Variants in SEMA4F observed in about 807,000 individuals in gnomAD.
SEMA4F encodes ssemaphorin 4F, also known as semaphorin-4F.
Under a neutral mutation model 78.4 loss-of-function variants are expected in SEMA4F, and 51 were observed. The ratio of observed to expected loss-of-function variants is 0.65; its 90% CI spans 0.52 to 0.82. SEMA4F has a LOEUF of 0.82. Ranked by LOEUF, SEMA4F falls within the 40% of genes least tolerant of loss-of-function variation. SEMA4F has a pLI of 0.00. For missense variants in SEMA4F, 938 were observed against 1,014.4 expected (o/e 0.92, Z 1.02); for synonymous variants, 418 against 408.7 (o/e 1.02, Z -0.27).
In SEMA4F at chr2:74,673,680, C is replaced by T. The variant is rs758683262; in HGVS notation, c.674C>T (p.Pro225Leu). ...TDTLPSWLNA[P>L]AFVAAVALSP... ...CTGAGGCCACTGGTATTCCCAGCCCCAGCCTTTGTCGCAGCCGTGGCCTTG... is the reference window on the plus strand; with the variant it reads ...CTGAGGCCACTGGTATTCCCAGCCCTAGCCTTTGTCGCAGCCGTGGCCTTG... The change falls in exon 7 of 14, where the codon CCA (proline) becomes CTA (leucine). Residue 225 changes from proline (P) to leucine (L), a missense_variant. Transcript: ENST00000357877. 2 of 1,613,818 alleles carry T rather than the reference C, an allele frequency of 1.2e-6. No individual in the cohort carries two copies. The highest frequency in any genetic ancestry group is 8.5e-7 in the Non-Finnish European group (1 of 1,179,792).
chr2:74,687,123 T>G (rs1685840479), downstream of SEMA4F, among the ~76,000 whole-genome samples: 1 of 152,232 alleles, frequency 6.6e-6, no homozygotes, highest in Non-Finnish European at 1.5e-5. Context: ...TGTTAGGACC[T>G]CTGTCCATCT....
intron 2 of SEMA4F, among the ~76,000 whole-genome samples, chr2:74,657,164 T>G (rs1008209120): frequency 6.6e-6 from 1 of 152,214 alleles, no homozygotes; most frequent in African/African-American, 2.4e-5. Flanking sequence ...TTAGGGATGC[T>G]CAACCAGTAT....
chr2:74,656,157 C>T (rs963543625), intron 1 of SEMA4F, among the ~76,000 whole-genome samples: 20 of 151,654 alleles, frequency 1.3e-4, no homozygotes, highest in African/African-American at 2.4e-4. Flanking sequence ...TACAGGTGCG[C>T]GCCACCTTGC....
intron 7 of SEMA4F, among the ~76,000 whole-genome samples, chr2:74,674,188 A>G (rs377108428): frequency 6.6e-6 from 1 of 152,338 alleles, no homozygotes; most frequent in East Asian, 1.9e-4. Flanking sequence ...TAAAAAGAGG[A>G]TAATAATGAT....
chr2:74,704,070 T>C, the SEMA4F span, among the ~76,000 whole-genome samples: 2 of 152,094 alleles, frequency 1.3e-5, no homozygotes, highest in East Asian at 3.9e-4. Flanking sequence ...GGAAATAGAT[T>C]GGTTCTTTGG....
intron 5 of SEMA4F, among the ~76,000 whole-genome samples, chr2:74,671,057 A>G (rs1403313435): frequency 2.0e-5 from 3 of 151,984 alleles, no homozygotes; most frequent in African/African-American, 2.4e-5. Flanking sequence ...TCTATTCTGC[A>G]TTTGAGGAAC....
At chr2:74,661,551 A>G (rs528848154) in intron 4 of SEMA4F, among the ~76,000 whole-genome samples, 2 of 152,260 alleles carry the variant, frequency 1.3e-5, no homozygotes, top group South Asian at 4.2e-4. Flanking sequence ...CTCTCACCAA[A>G]CCCATCTTTC....
the SEMA4F span, among the ~76,000 whole-genome samples, chr2:74,704,687 C>G: frequency 6.6e-6 from 1 of 151,990 alleles, no homozygotes; most frequent in Non-Finnish European, 1.5e-5. Context: ...ACTTGCCTAC[C>G]AATGCGGGCT....
At chr2:74,661,471 G>A (rs984274162) in intron 4 of SEMA4F, among the ~76,000 whole-genome samples, 2 of 152,184 alleles carry the variant, frequency 1.3e-5, no homozygotes, top group African/African-American at 4.8e-5. Context: ...CATGGTTTAG[G>A]TGAGAGGTAA....
Position 74,675,278 on chromosome 2 carries a change from T to C in SEMA4F, c.1266T>C (p.Asp422=), listed in dbSNP as rs199736847. 170 of 1,614,084 alleles carry C rather than the reference T, an allele frequency of 1.1e-4. No individual in the cohort carries two copies. Among genetic ancestry groups the C allele is most frequent in the Non-Finnish European group, 1.4e-4 (160 of 1,180,030 alleles). ...PLMDRPVFPA[D]GHPLLVTTDT... is the part of the protein sequence containing the mutation. ...TGGACAGGCCAGTGTTTCCAGCTGATGGCCACCCCCTGCTGGTCACTACAG... is the reference window on the plus strand; with the variant it reads ...TGGACAGGCCAGTGTTTCCAGCTGACGGCCACCCCCTGCTGGTCACTACAG... The change falls in exon 10 of 14, where the codon GAT becomes GAC. Residue 422 remains aspartate, a synonymous_variant. Transcript: ENST00000357877.
downstream of SEMA4F, among the ~76,000 whole-genome samples, chr2:74,686,907 T>C (rs1685834865): frequency 6.6e-6 from 1 of 151,758 alleles, no homozygotes; most frequent in Non-Finnish European, 1.5e-5. Context: ...GGAATAACAT[T>C]AGGAGAAATA....
chr2:74,708,683 A>G, the SEMA4F span, among the ~76,000 whole-genome samples: 1 of 152,220 alleles, frequency 6.6e-6, no homozygotes, highest in Non-Finnish European at 1.5e-5. Flanking sequence ...AAAATCACTC[A>G]TCATGTCAAG....
rs573169572 is a variant in SEMA4F, at chr2:74,675,895, C to T, written c.1629C>T (p.Ala543=). 1.3e-5 allele frequency: 21 copies of T among 1,612,344 alleles called. No individual in the cohort carries two copies. Among genetic ancestry groups the T allele is most frequent in the East Asian group, 4.5e-5 (2 of 44,860 alleles). Residue 543 remains alanine, a synonymous_variant, in exon 12 of 14, where the codon GCC becomes GCT. Coordinates refer to ENST00000357877, the MANE Select transcript of SEMA4F (RefSeq NM_004263.5). The part of the protein sequence containing the change: ...SFRLDECVAH[A]GEHRGLVQDI... ...GGCTGGATGAGTGTGTGGCCCATGCCGGGGAGCACCGAGGGTGAGTGTAGC... is the reference window on the plus strand; with the variant it reads ...GGCTGGATGAGTGTGTGGCCCATGCTGGGGAGCACCGAGGGTGAGTGTAGC...
rs775360914 is a variant in SEMA4F at position 74,673,504 on chromosome 2, C to A, written c.598C>A (p.Pro200Thr). The change falls in exon 6 of 14, where the codon CCA (proline) becomes ACA (threonine). Residue 200 changes from proline to threonine, a missense_variant. Coordinates refer to ENST00000357877, the MANE Select transcript of SEMA4F (RefSeq NM_004263.5). ...ATVKNYLGTE[P>T]IITRAVGRAE... ...TGTGAAAAACTACCTGGGGACGGAG[C>A]CAATTATCACCAGAGCAGTGGGTCG... 1 of 1,614,010 alleles carries A rather than the reference C, an allele frequency of 6.2e-7. No homozygotes were observed. The highest frequency in any genetic ancestry group is 1.3e-5 in the African/African-American group (1 of 74,890).
At chr2:74,659,477 C>T (rs1684326599) in intron 4 of SEMA4F, among the ~76,000 whole-genome samples, 1 of 152,168 alleles carries the variant, frequency 6.6e-6, no homozygotes, top group Non-Finnish European at 1.5e-5. Flanking sequence ...TCTTGAGGAA[C>T]ATCAGCAATG....
the SEMA4F span, among the ~76,000 whole-genome samples, chr2:74,691,566 G>A: frequency 6.6e-6 from 1 of 152,194 alleles, no homozygotes; most frequent in African/African-American, 2.4e-5. Flanking sequence ...AACCTTGCAT[G>A]TTATCAATTA....
intron 12 of SEMA4F, among the ~76,000 whole-genome samples, chr2:74,676,321 T>G (rs1330085475): frequency 1.3e-5 from 2 of 152,206 alleles, no homozygotes; most frequent in African/African-American, 4.8e-5. Context: ...TTCCTCAGGG[T>G]TCAGTCCTGG....
chr2:74,654,295 GAGTGGGGCCGAGGCC>G lies in SEMA4F; in HGVS notation c.-78_-64del. On this transcript the variant is annotated 5_prime_UTR_variant, in exon 1 of 14. Coordinates refer to ENST00000357877, the MANE Select transcript of SEMA4F (RefSeq NM_004263.5). ...GAGCCGGACCGAGCCGAGAGGACCC[GAGTGGGGCCGAGGCC>G]AGTAGCCCCGGGGCCCTGAGCAGAG... The G allele has an allele frequency of 7.4e-7, 1 of 1,358,812 alleles. No homozygotes were observed. Among genetic ancestry groups the G allele is most frequent in the East Asian group, 3.1e-5 (1 of 32,286 alleles). 84.2% of individuals were successfully genotyped at this position (1,358,812 alleles called of 1,614,324 possible).
the SEMA4F span, among the ~76,000 whole-genome samples, chr2:74,708,519 A>C: frequency 6.6e-6 from 1 of 152,156 alleles, no homozygotes; most frequent in Non-Finnish European, 1.5e-5. Flanking sequence ...ACAGAGGCCA[A>C]GTGAGGACTG....
Sources: gnomAD v4.1 joint callset for allele counts (sites outside exome capture counted in the v4.1 genomes callset) on GRCh38, gnomAD v4.1.1 for gene constraint, MANE v1.5 for transcripts, NCBI Gene and HGNC (gene_info 2026-07-23, HGNC 2026-07-21) for gene names.